Variants in ZNF66 observed in about 807,000 individuals in gnomAD.
ZNF66 encodes the protein putative zinc finger protein 66.
ZNF66 carries 32 observed loss-of-function variants against 35.2 expected under a neutral mutation model. The observed-to-expected ratio is 0.91, with a 90% CI of 0.69 to 1.22. The LOEUF (loss-of-function observed/expected upper bound fraction) is 1.22. ZNF66 is among the 50% of genes most tolerant of loss of function. The probability of loss-of-function intolerance (pLI) is 0.00; values close to 1 mark genes in which losing one functional copy is unlikely to be tolerated. For missense variants in ZNF66, 666 were observed against 543.1 expected, an observed-to-expected ratio of 1.23 and a Z score of -2.25; for synonymous variants, 231 against 181.3, an observed-to-expected ratio of 1.27 and a Z score of -2.20.
intron 1 of ZNF66, among the ~76,000 whole-genome samples, chr19:20,780,066 G>T (rs10415086): frequency 6.6e-6 from 1 of 151,884 alleles, no homozygotes; most frequent in South Asian, 2.1e-4. Flanking sequence ...AGCCAAGATC[G>T]CATCACTGCA....
At position 20,806,858 on chromosome 19, in the gene ZNF66, A is replaced by C. The variant is rs370551; in HGVS notation, c.1258A>C (p.Thr420Pro). 5 of 1,350,382 alleles carry C rather than the reference A, an allele frequency of 3.7e-6. No individual in the cohort carries two copies. Among genetic ancestry groups the C allele is most frequent in the Non-Finnish European group, 5.3e-6 (5 of 942,034 alleles). 83.6% of individuals were successfully genotyped at this position (1,350,382 alleles called of 1,614,324 possible). Reference protein sequence around the residue: ...SPLSKHKRIHTGEKPYKCEEC... With the variant: ...SPLSKHKRIHPGEKPYKCEEC... Reference sequence around the variant, plus strand: ...CCTTTCTAAACATAAGAGAATTCATACTGGAGAGAAACCCTACAAATGTGA... The same window carrying C: ...CCTTTCTAAACATAAGAGAATTCATCCTGGAGAGAAACCCTACAAATGTGA... The change falls in exon 4 of 4, where the codon ACT (threonine) becomes CCT (proline). Residue 420 changes from threonine (T) to proline (P), a missense_variant. Coordinates refer to ENST00000344519, the MANE Select transcript of ZNF66 (RefSeq NM_001355197.2).
intron 1 of ZNF66, among the ~76,000 whole-genome samples, chr19:20,792,112 A>G (rs892139761): frequency 1.3e-5 from 2 of 151,786 alleles, no homozygotes; most frequent in African/African-American, 4.8e-5. Context: ...ATCAGACTTT[A>G]TTCCAGATCT....
At chr19:20,787,030 G>A (rs1971292997) in intron 1 of ZNF66, among the ~76,000 whole-genome samples, 1 of 152,038 alleles carries the variant, frequency 6.6e-6, no homozygotes, top group African/African-American at 2.4e-5. Flanking sequence ...CAAAGTGCTG[G>A]GATTACAGGC....
At chr19:20,797,283 G>T (rs1971403830) in intron 3 of ZNF66, among the ~76,000 whole-genome samples, 1 of 116,384 alleles carries the variant, frequency 8.6e-6, no homozygotes, top group African/African-American at 3.3e-5. Flanking sequence ...TCGGCTCACT[G>T]CAGGCTCCGC....
intron 1 of ZNF66, among the ~76,000 whole-genome samples, chr19:20,777,386 G>A (rs1971205035): frequency 6.6e-6 from 1 of 150,546 alleles, no homozygotes; most frequent in Non-Finnish European, 1.5e-5. Flanking sequence ...GCAGTTTATA[G>A]TTGCTGAAGC....
chr19:20,805,132 A>T (rs923830100), intron 3 of ZNF66, among the ~76,000 whole-genome samples: 1,552 of 136,344 alleles, frequency 0.011, 21 homozygotes, highest in African/African-American at 0.042. Context: ...TGTGTGAGAG[A>T]GAGAGAGAGA....
At chr19:20,800,374 T>C (rs1047232554) in intron 3 of ZNF66, among the ~76,000 whole-genome samples, 1 of 152,188 alleles carries the variant, frequency 6.6e-6, no homozygotes, top group African/African-American at 2.4e-5. Context: ...AAGAATATTG[T>C]GTATTATCTT....
chr19:20,800,328 G>A (rs1272548546), intron 3 of ZNF66, among the ~76,000 whole-genome samples: 2 of 152,124 alleles, frequency 1.3e-5, no homozygotes, highest in African/African-American at 2.4e-5. Flanking sequence ...AATAAAGCTT[G>A]GGTATGTGTC....
At chr19:20,801,669 C>T (rs1315469650) in intron 3 of ZNF66, among the ~76,000 whole-genome samples, 1 of 151,874 alleles carries the variant, frequency 6.6e-6, no homozygotes, top group Non-Finnish European at 1.5e-5. Context: ...GATAGGGTCT[C>T]ACTCTGTCAA....
chr19:20,776,851 A>C (rs1055403981), intron 1 of ZNF66, among the ~76,000 whole-genome samples: 1 of 152,144 alleles, frequency 6.6e-6, no homozygotes, highest in Non-Finnish European at 1.5e-5. Flanking sequence ...GCGGTCGTTC[A>C]AGCCTGTAAT....
chr19:20,792,385 A>G, intron 1 of ZNF66, 127 bp from the exon 2 acceptor site: 2 of 831,752 alleles, frequency 2.4e-6, no homozygotes, highest in Non-Finnish European at 3.5e-6. Flanking sequence ...AAATTATTTT[A>G]TAGGATAACT....
intron 3 of ZNF66, among the ~76,000 whole-genome samples, chr19:20,802,733 CTTA>C (rs1359420980): frequency 6.6e-6 from 1 of 152,042 alleles, no homozygotes; most frequent in Non-Finnish European, 1.5e-5. Context: ...CCTCTGTTCC[CTTA>C]TTAATATTCT....
chr19:20,808,781 CA>C lies in ZNF66; in HGVS notation c.*1460del. On this transcript the variant is annotated 3_prime_UTR_variant, in exon 4 of 4. Transcript: ENST00000344519. ...CAGAAAAACTGGAAAGTCTAAAAAG[CA>C]GAGCACCTCTCCTCCTCCAAAGGAA... 6.6e-6 allele frequency among the ~76,000 whole-genome samples: 1 copy of C among 150,574 alleles called. No individual in the cohort carries two copies. The highest frequency in any genetic ancestry group is 2.1e-4 in the South Asian group (1 of 4,752).
At chr19:20,797,172 T>C (rs1162532534) in intron 3 of ZNF66, among the ~76,000 whole-genome samples, 1 of 140,174 alleles carries the variant, frequency 7.1e-6, no homozygotes, top group Non-Finnish European at 1.5e-5. Context: ...TAATAATGCA[T>C]CAATGTTGCA....
chr19:20,805,052 A>T (rs531349446), intron 3 of ZNF66, among the ~76,000 whole-genome samples: 1 of 151,816 alleles, frequency 6.6e-6, no homozygotes, highest in African/African-American at 2.4e-5. Flanking sequence ...ATTAAGATGT[A>T]TGTGCCAATA....
At chr19:20,796,000 C>A (rs1971388541) in intron 3 of ZNF66, among the ~76,000 whole-genome samples, 1 of 152,126 alleles carries the variant, frequency 6.6e-6, no homozygotes, top group Admixed American at 6.6e-5. Context: ...GAACACTTCT[C>A]AATCTTAAGC....
At chr19:20,789,805 T>G (rs574230555) in intron 1 of ZNF66, among the ~76,000 whole-genome samples, 3 of 152,378 alleles carry the variant, frequency 2.0e-5, no homozygotes, top group South Asian at 4.1e-4. Context: ...TAATGTGTTA[T>G]GCCCAGCACA....
chr19:20,808,953 G>A lies in ZNF66; in HGVS notation c.*1631G>A, dbSNP rs1299892935. Among the ~76,000 whole-genome samples, 2 of 142,162 alleles carry A rather than the reference G, an allele frequency of 1.4e-5. No individual in the cohort carries two copies. The highest frequency in any genetic ancestry group is 5.2e-5 in the African/African-American group (2 of 38,206). 93.3% of individuals were successfully genotyped at this position (142,162 alleles called of 152,430 possible). On this transcript the variant is annotated 3_prime_UTR_variant, in exon 4 of 4. Coordinates refer to ENST00000344519, the MANE Select transcript of ZNF66 (RefSeq NM_001355197.2). ...AAAGAAGTTAAAAAATTAGACGAAT[G>A]TATAACTAGAATAACCAATGCAGAG... is the stretch of plus-strand genomic sequence containing the variant.
In ZNF66 at chr19:20,809,806, A is replaced by T. The variant is rs916372015; in HGVS notation, c.*2484A>T. 2.6e-5 allele frequency among the ~76,000 whole-genome samples: 4 copies of T among 152,122 alleles called. No homozygotes were observed. Among genetic ancestry groups the T allele is most frequent in the African/African-American group, 9.7e-5 (4 of 41,412 alleles). ...AAAATAACCAGCTAACATCATAATG[A>T]CAGCATCAAATTCTCACATAACAAT... On this transcript the variant is annotated 3_prime_UTR_variant, in exon 4 of 4. Transcript: ENST00000344519.
Sources: allele counts gnomAD v4.1 joint callset (sites outside exome capture counted in the v4.1 genomes callset), GRCh38; gene constraint gnomAD v4.1.1; transcripts MANE v1.5; gene names NCBI Gene and HGNC (gene_info 2026-07-23, HGNC 2026-07-21).